Variants in GRM5 observed in about 807,000 individuals in gnomAD.
The protein encoded by GRM5 is metabotropic glutamate receptor 5.
In GRM5, 19 loss-of-function variants were observed where a neutral mutation model predicts 83.1. The observed-to-expected ratio is 0.23, with a 90% CI of 0.16 to 0.34. The LOEUF is 0.34. Ranked by LOEUF, GRM5 falls within the 10% of genes least tolerant of loss-of-function variation. The pLI, the probability that GRM5 is intolerant of heterozygous loss-of-function variation, is 1.00. For synonymous variants in GRM5, 675 were observed against 633.6 expected (o/e 1.07, Z -0.98); for missense variants, 1,160 against 1,588.3 (o/e 0.73, Z 4.58).
At chr11:88,895,174 TA>T (rs1945211388) in intron 2 of GRM5, among the ~76,000 whole-genome samples, 1 of 151,930 alleles carries the variant, frequency 6.6e-6, no homozygotes, top group Non-Finnish European at 1.5e-5. Flanking sequence ...GTAAACTAAT[TA>T]AAAAAAGACT....
At chr11:88,725,095 A>T (rs1020097926) in intron 3 of GRM5, among the ~76,000 whole-genome samples, 5 of 152,082 alleles carry the variant, frequency 3.3e-5, no homozygotes, top group Admixed American at 3.3e-4. Flanking sequence ...AGCCAAGTGG[A>T]TCCCATCCTC....
intron 6 of GRM5, among the ~76,000 whole-genome samples, chr11:88,593,855 G>A (rs1937720345): frequency 2.0e-5 from 3 of 148,276 alleles, no homozygotes; most frequent in Non-Finnish European, 3.0e-5. Context: ...GTGCAGTGGC[G>A]CCATCTCGGC....
intron 3 of GRM5, among the ~76,000 whole-genome samples, chr11:88,806,793 C>T (rs1943506389): frequency 6.6e-6 from 1 of 152,078 alleles, no homozygotes; most frequent in Non-Finnish European, 1.5e-5. Context: ...CTTTCCCCAT[C>T]TTTTTATACT....
At chr11:88,788,730 ATGCTGT>A (rs1943118209) in intron 3 of GRM5, among the ~76,000 whole-genome samples, 1 of 152,206 alleles carries the variant, frequency 6.6e-6, no homozygotes. Flanking sequence ...TAAAGAAACT[ATGCTGT>A]TTTCAAAATT....
At chr11:88,939,605 C>G (rs1028008769) in intron 2 of GRM5, among the ~76,000 whole-genome samples, 12 of 151,814 alleles carry the variant, frequency 7.9e-5, no homozygotes, top group African/African-American at 2.9e-4. Flanking sequence ...CCAAGTAGCT[C>G]ACATTTTAAA....
intron 2 of GRM5, among the ~76,000 whole-genome samples, chr11:88,963,946 C>T (rs957361436): frequency 1.3e-5 from 2 of 152,036 alleles, no homozygotes; most frequent in Non-Finnish European, 2.9e-5. Flanking sequence ...TATTCTTATT[C>T]TTATTTTATG....
chr11:88,814,257 G>A (rs996553832), intron 3 of GRM5, among the ~76,000 whole-genome samples: 4 of 152,152 alleles, frequency 2.6e-5, no homozygotes, highest in Non-Finnish European at 4.4e-5. Flanking sequence ...GGAATTTCCA[G>A]GCCATTGCAA....
chr11:88,545,709 C>A (rs529025705), intron 8 of GRM5, among the ~76,000 whole-genome samples: 1 of 152,070 alleles, frequency 6.6e-6, no homozygotes, highest in Non-Finnish European at 1.5e-5. Flanking sequence ...TTGAAACCAT[C>A]GTGATTTCTC....
intron 4 of GRM5, among the ~76,000 whole-genome samples, chr11:88,628,910 T>G (rs537216514): frequency 2.0e-4 from 30 of 152,238 alleles, no homozygotes; most frequent in African/African-American, 7.0e-4. Context: ...GTCACATGAA[T>G]GTAGGAGGGA....
chr11:88,695,753 T>A (rs1940887684), intron 3 of GRM5, among the ~76,000 whole-genome samples: 1 of 152,174 alleles, frequency 6.6e-6, no homozygotes, highest in South Asian at 2.1e-4. Flanking sequence ...CTTATCCCTC[T>A]CACAGGGCGT....
At chr11:88,565,841 G>C (rs185005362) in intron 8 of GRM5, among the ~76,000 whole-genome samples, 2 of 152,284 alleles carry the variant, frequency 1.3e-5, no homozygotes, top group Admixed American at 6.5e-5. Flanking sequence ...AAAGAGGTAA[G>C]AGTACAAGTT....
chr11:88,924,088 A>T (rs529549474), intron 2 of GRM5, among the ~76,000 whole-genome samples: 1 of 151,666 alleles, frequency 6.6e-6, no homozygotes, highest in Admixed American at 6.6e-5. Context: ...ATGAAAATCA[A>T]AGCCACAGTG....
chr11:89,038,489 G>A (rs1941448377), intron 2 of GRM5, among the ~76,000 whole-genome samples: 1 of 152,120 alleles, frequency 6.6e-6, no homozygotes, highest in Non-Finnish European at 1.5e-5. Context: ...AGAGTGTGGA[G>A]CCTGTGATGG....
At chr11:88,944,618 G>A (rs1938215538) in intron 2 of GRM5, among the ~76,000 whole-genome samples, 2 of 151,262 alleles carry the variant, frequency 1.3e-5, no homozygotes, top group South Asian at 4.2e-4. Flanking sequence ...CAGATAACCT[G>A]TTTTTTTAAA....
At chr11:88,930,168 G>T (rs922655614) in intron 2 of GRM5, among the ~76,000 whole-genome samples, 48 of 152,136 alleles carry the variant, frequency 3.2e-4, no homozygotes, top group African/African-American at 1.1e-3. Context: ...CAATGACTTG[G>T]GAGGCGGAAG....
intron 4 of GRM5, among the ~76,000 whole-genome samples, chr11:88,638,768 T>G (rs968745154): frequency 6.6e-6 from 1 of 152,186 alleles, no homozygotes; most frequent in Non-Finnish European, 1.5e-5. Context: ...ATAAAGTTGC[T>G]CATAGTATTT....
chr11:89,044,660 AAG>A (rs1941607023), intron 2 of GRM5, among the ~76,000 whole-genome samples: 2 of 152,164 alleles, frequency 1.3e-5, no homozygotes, highest in South Asian at 4.1e-4. Context: ...CTCTTCAAGA[AAG>A]AGAATATTGA....
intron 2 of GRM5, among the ~76,000 whole-genome samples, chr11:88,927,706 A>C (rs1009214339): frequency 9.9e-5 from 15 of 152,244 alleles, no homozygotes; most frequent in African/African-American, 3.4e-4. Flanking sequence ...AAAACATCAC[A>C]AAGTTAAGCC....
In GRM5 at chr11:88,650,488, C is replaced by T. The variant is rs146161763; in HGVS notation, c.1147+2680G>A. 2.4e-3 allele frequency among the ~76,000 whole-genome samples: 371 copies of T among 151,942 alleles called. 3 individuals are homozygous for T. Among genetic ancestry groups the T allele is most frequent in the African/African-American group, 7.7e-3 (320 of 41,488 alleles). On this transcript the variant is annotated intron_variant, in intron 4 of 9. Transcript: ENST00000305447. The stretch of plus-strand genomic sequence containing the variant: ...TCATGAAAAAGCCAATTGAAATCAC[C>T]GTATGATAGAACTACACACTCACAG...
Sources: gnomAD v4.1 joint callset for allele counts (sites outside exome capture counted in the v4.1 genomes callset) on GRCh38, gnomAD v4.1.1 for gene constraint, MANE v1.5 for transcripts, NCBI Gene and HGNC (gene_info 2026-07-23, HGNC 2026-07-21) for gene names.